WDR3: variants seen among roughly 807,000 people sequenced by gnomAD.
WDR3 encodes WD repeat domain 3, also known as WD repeat-containing protein 3.
In WDR3, 81 loss-of-function variants were observed where a neutral mutation model predicts 123.7. The ratio of observed to expected loss-of-function variants is 0.65; its 90% CI spans 0.55 to 0.79. The LOEUF is 0.79. Among genes scored for constraint, WDR3 ranks in the 30% least tolerant of loss-of-function variants. The pLI is 0.00. For missense variants in WDR3, 1,027 were observed against 1,123.2 expected (o/e 0.91, Z 1.22); for synonymous variants, 390 against 388.8 (o/e 1.00, Z -0.04).
At position 117,940,894 on chromosome 1, in the gene WDR3, T is replaced by C. The variant is rs1233328102; in HGVS notation, c.743T>C (p.Leu248Pro). 8 of 1,613,922 alleles carry C rather than the reference T, an allele frequency of 5.0e-6. No homozygotes were observed. The highest frequency in any genetic ancestry group is 1.3e-5 in the African/African-American group (1 of 74,910). The change falls in exon 7 of 27, where the codon CTT (leucine) becomes CCT (proline). Residue 248 changes from leucine to proline, a missense_variant. By Grantham distance (98) the Leu-to-Pro change is moderately conservative. Coordinates refer to ENST00000349139, the MANE Select transcript of WDR3 (RefSeq NM_006784.3). ...TCTTCTCCTGGAATACAAGATACTC[T>C]TGAGGCAGAGGATGGTGCCTTTGAG... ...KGSSPGIQDTLEAEDGAFETD... is the reference protein window; with the variant it reads ...KGSSPGIQDTPEAEDGAFETD...
In WDR3 at chr1:117,963,887, C is replaced by T. The variant is rs1160595985; in HGVS notation, c.*4440C>T. 5 of 1,613,914 alleles carry T rather than the reference C, an allele frequency of 3.1e-6. No individual in the cohort carries two copies. In the Admixed American group the frequency reaches 6.7e-5, roughly 22 times the overall value. ...TCTCTGGACCATTGGATTTTCTTTT[C>T]CCTGGGGAAAGTCTTTTGGTCGTTT... On this transcript the variant is annotated 3_prime_UTR_variant, in exon 27 of 27. Transcript: ENST00000349139.
rs549098665 is a variant in WDR3 at position 117,952,749 on chromosome 1, C to T, written c.2151+87C>T. 5 of 1,523,524 alleles carry T rather than the reference C, an allele frequency of 3.3e-6. No individual in the cohort carries two copies. The East Asian group carries it at 6.8e-5, about 21-fold the overall frequency. The allele number at this position is 1,523,524 out of a possible 1,614,324, so 94.4% of individuals were successfully genotyped here. Reference sequence around the variant, plus strand: ...AAGTTTTCTGTCTAGTGCAGTTACACCTGATGCATTGCCAAGTCCAAGAAC... The same window carrying T: ...AAGTTTTCTGTCTAGTGCAGTTACATCTGATGCATTGCCAAGTCCAAGAAC... On this transcript the variant is annotated intron_variant, in intron 19 of 26. Transcript: ENST00000349139.
At chr1:117,952,150 A>G in intron 17 of WDR3, 74 bp downstream of exon 17, 5 of 1,537,116 alleles carry the variant, frequency 3.3e-6, no homozygotes, top group Non-Finnish European at 4.5e-6. Flanking sequence ...ATCTGTGTCT[A>G]TTTTTCAGTG....
At position 117,955,363 on chromosome 1, in the gene WDR3, G is replaced by A; in HGVS notation, c.2453+5G>A. ...TTTTAAAGGGATCAAGTCGAGGTGA[G>A]TGAGTCCTTGCGCACAATTTTTGTA... On this transcript the variant is annotated splice_donor_5th_base_variant and intron_variant, in intron 24 of 26. Coordinates refer to ENST00000349139, the MANE Select transcript of WDR3 (RefSeq NM_006784.3). 2 of 1,612,106 alleles carry A rather than the reference G, an allele frequency of 1.2e-6. No homozygotes were observed. Among genetic ancestry groups the A allele is most frequent in the Non-Finnish European group, 1.7e-6 (2 of 1,178,772 alleles).
chr1:117,946,370 T>G (rs963136932), intron 12 of WDR3, among the ~76,000 whole-genome samples, 191 bp downstream of exon 12: 3 of 152,142 alleles, frequency 2.0e-5, no homozygotes, highest in Non-Finnish European at 2.9e-5. Context: ...AGAAGAAAAT[T>G]AAAATCATGA....
In WDR3 at chr1:117,961,133, A is replaced by T. The variant is rs756730733; in HGVS notation, c.*1686A>T. The T allele has an allele frequency of 4.6e-5, 7 of 152,158 alleles. No homozygotes were observed. Among genetic ancestry groups the T allele is most frequent in the African/African-American group, 7.2e-5 (3 of 41,412 alleles). 9.4% of individuals were successfully genotyped at this position (152,158 alleles called of 1,614,324 possible). The stretch of plus-strand genomic sequence containing the variant: ...CTCATCTCTACTAAAAATACAAAAA[A>T]CTAGCTGGGCGTGGTGGCAGGCGCT... On this transcript the variant is annotated 3_prime_UTR_variant, in exon 27 of 27. Transcript: ENST00000349139.
intron 7 of WDR3, 87 bp from the exon 8 acceptor site, chr1:117,941,036 TG>T: frequency 6.3e-7 from 1 of 1,575,932 alleles, no homozygotes; most frequent in Non-Finnish European, 8.7e-7. Flanking sequence ...GGAATATTTT[TG>T]TCACTTGCAC....
chr1:117,932,269 G>A (rs570676961), intron 1 of WDR3, among the ~76,000 whole-genome samples: 125 of 152,350 alleles, frequency 8.2e-4, no homozygotes, highest in African/African-American at 2.9e-3. Context: ...CCAAGGGTAA[G>A]TGGCTGCTCT....
At chr1:117,953,381 A>G in intron 20 of WDR3, 95 bp from the exon 21 acceptor site, 17 of 1,200,688 alleles carry the variant, frequency 1.4e-5, no homozygotes, top group Middle Eastern at 3.8e-4. Context: ...TCATAAAATA[A>G]TAATAGCTGT....
intron 14 of WDR3, 67 bp from the exon 15 acceptor site, chr1:117,949,928 A>G (rs1651545339): frequency 6.2e-6 from 10 of 1,611,394 alleles, no homozygotes; most frequent in Middle Eastern, 3.3e-4. Context: ...GTTGTGCTCT[A>G]AAGAGTTAGG....
At chr1:117,952,267 T>C (rs752026655) in intron 17 of WDR3, 30 bp from the exon 18 acceptor site, 1 of 1,581,170 alleles carries the variant, frequency 6.3e-7, no homozygotes, top group Non-Finnish European at 8.6e-7. Context: ...TGGAATTTGA[T>C]GACATTTTAA....
At chr1:117,938,339 G>A in intron 4 of WDR3, 141 bp from the exon 5 acceptor site, 1 of 604,708 alleles carries the variant, frequency 1.7e-6, no homozygotes, top group Non-Finnish European at 2.8e-6. Flanking sequence ...CTTTTCAAAA[G>A]TAAGATCAGA....
intron 1 of WDR3, among the ~76,000 whole-genome samples, chr1:117,932,960 C>T (rs763872545): frequency 6.6e-6 from 1 of 150,840 alleles, no homozygotes; most frequent in Non-Finnish European, 1.5e-5. Flanking sequence ...TTTGGGAGGC[C>T]GTGGCGGATG....
chr1:117,947,082 C>G (rs896579018), intron 12 of WDR3, among the ~76,000 whole-genome samples: 68 of 152,154 alleles, frequency 4.5e-4, no homozygotes, highest in African/African-American at 1.6e-3. Flanking sequence ...GCCTCTGGCA[C>G]TTACTAGCTA....
chr1:117,951,153 T>C (rs1212645391), intron 16 of WDR3, among the ~76,000 whole-genome samples: 2 of 152,058 alleles, frequency 1.3e-5, no homozygotes, highest in Non-Finnish European at 2.9e-5. Flanking sequence ...TCCCAAATAG[T>C]ACTTTATTGT....
In WDR3 at chr1:117,941,049, T is replaced by C. The variant is rs1651154076; in HGVS notation, c.790-75T>C. The stretch of plus-strand genomic sequence containing the variant: ...AGGGAATATTTTTGTCACTTGCACT[T>C]ATTAGAATTATGTTTTTTTCAGAAG... On this transcript the variant is annotated intron_variant, in intron 7 of 26. Coordinates refer to ENST00000349139, the MANE Select transcript of WDR3 (RefSeq NM_006784.3). 3.8e-6 allele frequency: 6 copies of C among 1,589,280 alleles called. No homozygotes were observed. The South Asian group carries it at 6.7e-5, about 18-fold the overall frequency.
At chr1:117,939,416 A>C in intron 5 of WDR3, 61 bp from the exon 6 acceptor site, 2 of 1,556,780 alleles carry the variant, frequency 1.3e-6, no homozygotes, top group Non-Finnish European at 1.8e-6. Flanking sequence ...TTGGAATGTC[A>C]TATTATGCTA....
chr1:117,956,582 C>T (rs1652231886), intron 24 of WDR3, among the ~76,000 whole-genome samples: 1 of 152,120 alleles, frequency 6.6e-6, no homozygotes, highest in African/African-American at 2.4e-5. Context: ...TTGATATCCT[C>T]TTAAGATTTT....
chr1:117,956,661 G>A (rs78748789), intron 24 of WDR3, among the ~76,000 whole-genome samples: 6 of 151,866 alleles, frequency 4.0e-5, no homozygotes, highest in African/African-American at 1.4e-4. Context: ...AGATTAAAAG[G>A]CTACAAAATT....
Sources: gnomAD v4.1 joint callset for allele counts (sites outside exome capture counted in the v4.1 genomes callset) on GRCh38, gnomAD v4.1.1 for gene constraint, MANE v1.5 for transcripts, NCBI Gene and HGNC (gene_info 2026-07-23, HGNC 2026-07-21) for gene names.